The following JMJD1C variants were observed in gnomAD, a reference collection of about 807,000 sequenced individuals.
The protein encoded by JMJD1C is jumonji domain containing 1C.
In JMJD1C, 31 loss-of-function variants were observed where a neutral mutation model predicts 245.3. The observed-to-expected ratio is 0.13, with a 90% CI of 0.09 to 0.17. JMJD1C has a LOEUF of 0.17. Among genes scored for constraint, JMJD1C ranks in the 10% least tolerant of loss-of-function variants. JMJD1C has a pLI of 1.00. For synonymous variants in JMJD1C, 1,057 were observed against 1,017.4 expected, an observed-to-expected ratio of 1.04 and a Z score of -0.74; for missense variants, 2,691 against 3,000.2, an observed-to-expected ratio of 0.90 and a Z score of 2.41.
intron 24 of JMJD1C, among the ~76,000 whole-genome samples, chr10:63,173,535 A>G (rs1842592671): frequency 6.6e-6 from 1 of 152,194 alleles, no homozygotes; most frequent in Admixed American, 6.5e-5. Flanking sequence ...CAGCCTGAGC[A>G]ACACAGCAAG....
intron 2 of JMJD1C, among the ~76,000 whole-genome samples, chr10:63,376,058 CA>C (rs1232719372): frequency 9.9e-5 from 15 of 152,092 alleles, no homozygotes; most frequent in Admixed American, 9.8e-4. Flanking sequence ...CAACAGTAAT[CA>C]AAACAGTGAG....
chr10:63,198,755 G>A, intron 11 of JMJD1C, 28 bp from the exon 12 acceptor site: 2 of 1,326,582 alleles, frequency 1.5e-6, no homozygotes, highest in Non-Finnish European at 1.0e-6. Flanking sequence ...AAAAGTATTA[G>A]GTACCCACAT....
chr10:63,373,651 T>C (rs1034741571), intron 2 of JMJD1C, among the ~76,000 whole-genome samples: 3 of 152,164 alleles, frequency 2.0e-5, no homozygotes, highest in African/African-American at 7.2e-5. Flanking sequence ...TGCACAGAAA[T>C]AGAAACATTA....
At chr10:63,237,457 A>G (rs1301439463) in intron 3 of JMJD1C, among the ~76,000 whole-genome samples, 1 of 152,230 alleles carries the variant, frequency 6.6e-6, no homozygotes, top group East Asian at 1.9e-4. Flanking sequence ...TATGGAAATG[A>G]TGAATCTATA....
At position 63,380,387 on chromosome 10, in the gene JMJD1C, G is replaced by A; in HGVS notation, c.264C>T (p.Ile88=). Residue 88 remains isoleucine, a synonymous_variant, in exon 2 of 26, where the codon ATC becomes ATT. Coordinates refer to ENST00000399262, the MANE Select transcript of JMJD1C (RefSeq NM_032776.3). ...GGCTAGGGTCATTCCTTTTGGCCCA[G>A]ATTAAGTGGTATTCCACCAAGAAAG... The part of the protein sequence containing the change: ...FSTFLVEYHL[I]WAKRNDPSQT... 6.2e-7 allele frequency: 1 copy of A among 1,613,950 alleles called. No homozygotes were observed.
intron 1 of JMJD1C, among the ~76,000 whole-genome samples, chr10:63,517,855 C>G (rs1356820829): frequency 1.5e-5 from 2 of 134,020 alleles, no homozygotes; most frequent in Non-Finnish European, 3.1e-5. Context: ...TGCAGTGGTG[C>G]AATCTCAGCT....
intron 1 of JMJD1C, among the ~76,000 whole-genome samples, chr10:63,461,944 A>G (rs922716806): frequency 1.3e-5 from 2 of 152,170 alleles, no homozygotes; most frequent in Non-Finnish European, 2.9e-5. Context: ...ATTCAAGGAG[A>G]CAAATATTAT....
intron 10 of JMJD1C, chr10:63,204,884 G>C: frequency 1.0e-6 from 1 of 985,400 alleles, no homozygotes; most frequent in Non-Finnish European, 1.2e-6. Flanking sequence ...ACCTCATTCA[G>C]TTAAAAGGCA....
chr10:63,190,424 G>C (rs1051693725), intron 17 of JMJD1C, among the ~76,000 whole-genome samples: 1 of 152,178 alleles, frequency 6.6e-6, no homozygotes, highest in South Asian at 2.1e-4. Flanking sequence ...GGCTGGTCTT[G>C]AACTCCTGAC....
intron 3 of JMJD1C, among the ~76,000 whole-genome samples, chr10:63,242,403 A>G (rs1231975657): frequency 6.6e-6 from 1 of 152,190 alleles, no homozygotes; most frequent in Admixed American, 6.6e-5. Context: ...AGCTACCAAT[A>G]ACGGACACAG....
chr10:63,498,948 G>C (rs1310131981), intron 1 of JMJD1C, among the ~76,000 whole-genome samples: 1 of 152,120 alleles, frequency 6.6e-6, no homozygotes, highest in African/African-American at 2.4e-5. Context: ...GATTATTGTA[G>C]ATTCTTCTTA....
intron 2 of JMJD1C, among the ~76,000 whole-genome samples, chr10:63,296,151 G>C (rs188774075): frequency 6.6e-6 from 1 of 150,598 alleles, no homozygotes; most frequent in East Asian, 1.9e-4. Flanking sequence ...TGGGATTACA[G>C]GCATGCACCA....
At chr10:63,234,773 A>AAAC (rs1850517436) in intron 3 of JMJD1C, among the ~76,000 whole-genome samples, 1 of 151,854 alleles carries the variant, frequency 6.6e-6, no homozygotes, top group Non-Finnish European at 1.5e-5. Context: ...TCTCTATTTA[A>AAAC]AATAATAATA....
At chr10:63,231,734 T>G (rs1850030297) in intron 3 of JMJD1C, among the ~76,000 whole-genome samples, 1 of 152,108 alleles carries the variant, frequency 6.6e-6, no homozygotes. Flanking sequence ...GCGGAGGTTG[T>G]GGTGCACCAA....
intron 1 of JMJD1C, among the ~76,000 whole-genome samples, chr10:63,504,961 A>G (rs1277345935): frequency 6.6e-6 from 1 of 152,076 alleles, no homozygotes; most frequent in Admixed American, 6.6e-5. Context: ...GAGGTGAGCT[A>G]TGATCATACC....
At chr10:63,472,942 G>A (rs901239025) in intron 1 of JMJD1C, among the ~76,000 whole-genome samples, 2 of 151,602 alleles carry the variant, frequency 1.3e-5, no homozygotes, top group African/African-American at 2.4e-5. Context: ...GCGCCACCAC[G>A]CCCAGCTAAT....
intron 1 of JMJD1C, among the ~76,000 whole-genome samples, chr10:63,495,849 A>G (rs1954349179): frequency 6.6e-6 from 1 of 152,032 alleles, no homozygotes. Flanking sequence ...TGTAACAAAA[A>G]GTGAGCAGAG....
intron 1 of JMJD1C, among the ~76,000 whole-genome samples, chr10:63,474,182 T>C (rs59246603): frequency 0.15 from 22,385 of 152,130 alleles, 2,166 homozygotes; most frequent in Admixed American, 0.29. Flanking sequence ...AAACAAATCA[T>C]ACCATTTGAC....
At chr10:63,221,180 T>C (rs1466063388) in intron 3 of JMJD1C, among the ~76,000 whole-genome samples, 1 of 150,666 alleles carries the variant, frequency 6.6e-6, no homozygotes, top group Non-Finnish European at 1.5e-5. Flanking sequence ...AAGTGAACTA[T>C]ATCTGATGAA....
Sources: gnomAD v4.1 joint callset for allele counts (sites outside exome capture counted in the v4.1 genomes callset) on GRCh38, gnomAD v4.1.1 for gene constraint, MANE v1.5 for transcripts, NCBI Gene and HGNC (gene_info 2026-07-23, HGNC 2026-07-21) for gene names.